Variants in KDM4C observed in about 807,000 individuals in gnomAD.
KDM4C encodes lysine demethylase 4C.
In KDM4C, 81 loss-of-function variants were observed where a neutral mutation model predicts 129.3. That is an observed-to-expected ratio of 0.63 (90% CI 0.52 to 0.75). The LOEUF is 0.75. Ranked by LOEUF, KDM4C falls within the 30% of genes least tolerant of loss-of-function variation. The pLI is 0.00. For synonymous variants in KDM4C, 573 were observed against 456.1 expected, an observed-to-expected ratio of 1.26 and a Z score of -3.26; for missense variants, 1,457 against 1,304.0, an observed-to-expected ratio of 1.12 and a Z score of -1.81.
At chr9:6,848,524 G>C (rs10975853) in intron 4 of KDM4C, among the ~76,000 whole-genome samples, 63,851 of 151,816 alleles carry the variant, frequency 0.42, 14,766 homozygotes, top group East Asian at 0.61. Context: ...GAAACATTAG[G>C]TGGGTGCGGT....
intron 16 of KDM4C, 139 bp downstream of exon 16, chr9:7,047,056 G>A: frequency 1.6e-6 from 1 of 629,314 alleles, no homozygotes; most frequent in East Asian, 2.8e-5. Flanking sequence ...TTGGAATTCT[G>A]TGCTTCAGAG....
intron 8 of KDM4C, among the ~76,000 whole-genome samples, chr9:6,899,599 A>G (rs369003882): frequency 3.0e-4 from 45 of 151,666 alleles, no homozygotes; most frequent in South Asian, 1.0e-3. Flanking sequence ...AGAAACCTCT[A>G]CCTCTGGAGA....
upstream of KDM4C, among the ~76,000 whole-genome samples, chr9:6,756,842 C>T (rs541693494): frequency 5.3e-5 from 8 of 152,262 alleles, no homozygotes; most frequent in East Asian, 1.5e-3. Context: ...CAATGTTCAC[C>T]CCAGTGAGAA....
At chr9:7,106,016 G>A (rs1170514844) in intron 18 of KDM4C, among the ~76,000 whole-genome samples, 2 of 152,092 alleles carry the variant, frequency 1.3e-5, no homozygotes, top group East Asian at 3.9e-4. Flanking sequence ...AACAATTTTA[G>A]TGTTCTTAAA....
chr9:6,748,602 A>T, intron 1 of KDM4C: 1 of 658,920 alleles, frequency 1.5e-6, no homozygotes, highest in South Asian at 1.6e-5. Flanking sequence ...GTAAAAACAT[A>T]AGTGTAATCA....
rs957640430 is a variant in KDM4C, at chr9:6,796,759, G to C, written c.144+3627G>C. ...GATAATTTCCTATTACTCATTATTA[G>C]GAATACAACGAACTGTTTCAAATCA... On this transcript the variant is annotated intron_variant, in intron 2 of 21. Coordinates refer to ENST00000381309, the MANE Select transcript of KDM4C (RefSeq NM_015061.6). Among the ~76,000 whole-genome samples, 4 of 152,116 alleles carry C rather than the reference G, an allele frequency of 2.6e-5. No individual in the cohort carries two copies. In the South Asian group the frequency reaches 8.3e-4, roughly 32 times the overall value.
At chr9:7,051,864 G>A (rs868562779) in intron 17 of KDM4C, among the ~76,000 whole-genome samples, 1 of 152,062 alleles carries the variant, frequency 6.6e-6, no homozygotes, top group Non-Finnish European at 1.5e-5. Flanking sequence ...TTTTTGTTCT[G>A]TCAACCTTGG....
At chr9:6,946,333 G>A (rs1231787394) in intron 8 of KDM4C, among the ~76,000 whole-genome samples, 1 of 151,896 alleles carries the variant, frequency 6.6e-6, no homozygotes, top group Non-Finnish European at 1.5e-5. Context: ...ACACACCTCC[G>A]TGACATTTTT....
chr9:7,091,612 CA>C (rs1482126180), intron 17 of KDM4C, among the ~76,000 whole-genome samples: 3 of 152,106 alleles, frequency 2.0e-5, no homozygotes, highest in Admixed American at 6.5e-5. Context: ...GCTACAAGAA[CA>C]AAATACTTCA....
At chr9:7,026,470 A>G (rs969624176) in intron 15 of KDM4C, among the ~76,000 whole-genome samples, 3 of 151,952 alleles carry the variant, frequency 2.0e-5, no homozygotes, top group African/African-American at 7.3e-5. Context: ...TTGGAGCTCC[A>G]TTGAATGTTA....
At chr9:6,746,479 G>A (rs1352800539) in intron 1 of KDM4C, among the ~76,000 whole-genome samples, 2 of 148,178 alleles carry the variant, frequency 1.3e-5, no homozygotes, top group African/African-American at 4.9e-5. Flanking sequence ...GTGTTAGCCA[G>A]GATGGTCTGG....
rs940147113 is a variant in KDM4C, at chr9:6,879,861, C to G, written c.630-151C>G. ...TGTTCATTGTCTAAGGAATATGACT[C>G]TGTGATTGGCTTTCTAATCTCTACT... is the stretch of plus-strand genomic sequence containing the variant. On this transcript the variant is annotated intron_variant, in intron 5 of 21. Coordinates refer to ENST00000381309, the MANE Select transcript of KDM4C (RefSeq NM_015061.6). 1.6e-5 allele frequency: 7 copies of G among 430,250 alleles called. No individual in the cohort carries two copies. The Admixed American group carries it at 2.4e-4, about 15-fold the overall frequency. The allele number at this position is 430,250 out of a possible 1,614,324, so 26.7% of individuals were successfully genotyped here. A position where few individuals can be genotyped will look rare whatever the true frequency, so the allele number is the denominator to read the frequency against.
intron 4 of KDM4C, among the ~76,000 whole-genome samples, chr9:6,836,172 C>G (rs1024001957): frequency 1.3e-5 from 2 of 152,144 alleles, no homozygotes; most frequent in Admixed American, 6.5e-5. Context: ...AAAAAAATCA[C>G]TGGGTGTGGT....
Position 6,934,421 on chromosome 9 carries a change from G to A in KDM4C, c.921+41189G>A, listed in dbSNP as rs552543109. 3.1e-3 allele frequency among the ~76,000 whole-genome samples: 476 copies of A among 151,372 alleles called. 6 individuals are homozygous for A. Among genetic ancestry groups the A allele is most frequent in the African/African-American group, 0.011 (442 of 41,272 alleles). On this transcript the variant is annotated intron_variant, in intron 8 of 21. Coordinates refer to ENST00000381309, the MANE Select transcript of KDM4C (RefSeq NM_015061.6). ...CGTGAACCCGGGAGGCGGAGCTTGC[G>A]GTGAGCTGAGATCATGCCACCGCAC... is the stretch of plus-strand genomic sequence containing the variant.
intron 17 of KDM4C, among the ~76,000 whole-genome samples, chr9:7,074,145 C>G (rs1303881687): frequency 6.6e-6 from 1 of 152,006 alleles, no homozygotes; most frequent in Non-Finnish European, 1.5e-5. Context: ...ACATCTGAAT[C>G]TTTTAAGTGC....
intron 15 of KDM4C, among the ~76,000 whole-genome samples, chr9:7,029,376 A>G (rs1433515325): frequency 6.6e-6 from 1 of 150,858 alleles, no homozygotes; most frequent in Non-Finnish European, 1.5e-5. Flanking sequence ...CTTTAGGGAT[A>G]TACTTTTAAT....
chr9:6,818,167 A>G (rs1180257140), intron 4 of KDM4C, among the ~76,000 whole-genome samples: 1 of 152,172 alleles, frequency 6.6e-6, no homozygotes, highest in African/African-American at 2.4e-5. Flanking sequence ...TTTACCACCA[A>G]AGAGTTGAGA....
intron 4 of KDM4C, among the ~76,000 whole-genome samples, chr9:6,823,240 T>G (rs1240835757): frequency 3.3e-5 from 5 of 152,188 alleles, no homozygotes; most frequent in Non-Finnish European, 7.3e-5. Flanking sequence ...GTGCTGGCTT[T>G]CCAGTTTAAA....
intron 19 of KDM4C, among the ~76,000 whole-genome samples, chr9:7,148,013 G>T (rs555898779): frequency 6.6e-6 from 1 of 152,250 alleles, no homozygotes. Flanking sequence ...GAGCGGCGAG[G>T]TTGTGTGTGA....
Sources: gnomAD v4.1 joint callset for allele counts (sites outside exome capture counted in the v4.1 genomes callset) on GRCh38, gnomAD v4.1.1 for gene constraint, MANE v1.5 for transcripts, NCBI Gene and HGNC (gene_info 2026-07-23, HGNC 2026-07-21) for gene names.